The following IL1RAPL1 variants were observed in gnomAD, a reference collection of about 807,000 sequenced individuals.
IL1RAPL1 encodes interleukin 1 receptor accessory protein like 1.
In IL1RAPL1, 3 loss-of-function variants were observed where a neutral mutation model predicts 48.4. That is an observed-to-expected ratio of 0.06 (90% CI 0.03 to 0.16). The LOEUF is 0.16. Among genes scored for constraint, IL1RAPL1 ranks in the 10% least tolerant of loss-of-function variants. IL1RAPL1 has a pLI of 1.00. For synonymous variants in IL1RAPL1, 185 were observed against 187.7 expected (o/e 0.99, Z 0.12); for missense variants, 349 against 530.6 (o/e 0.66, Z 3.36).
intron 3 of IL1RAPL1, among the ~76,000 whole-genome samples, chrX:29,380,538 C>T (rs1483511454): frequency 8.9e-6 from 1 of 112,223 alleles, no homozygotes; most frequent in African/African-American, 3.2e-5. Flanking sequence ...TTGTTGAAGG[C>T]TTGTATTGGT....
chrX:29,373,867 ATTTTTTTTTTTTT>A (rs59750110), intron 3 of IL1RAPL1, among the ~76,000 whole-genome samples: 3 of 21,659 alleles, frequency 1.4e-4, no homozygotes, highest in Admixed American at 6.6e-4. Flanking sequence ...TCTCTTTTTA[ATTTTTTTTTTTTT>A]TTTTTTTTTT....
At chrX:29,470,863 C>T (rs1934913295) in intron 5 of IL1RAPL1, among the ~76,000 whole-genome samples, 1 of 111,379 alleles carries the variant, frequency 9.0e-6, no homozygotes. Context: ...GAACTCCTGG[C>T]CTCAAGCAAT....
At position 29,920,106 on chromosome X, in the gene IL1RAPL1, C is replaced by A. The variant is rs1283866046; in HGVS notation, c.1057+12C>A. Reference sequence around the variant, plus strand: ...CCTTCATAAACGAGGTGAGTGTAACCTTCTAAGCTTCGGTGGTCAACTGAA... The same window carrying A: ...CCTTCATAAACGAGGTGAGTGTAACATTCTAAGCTTCGGTGGTCAACTGAA... On this transcript the variant is annotated intron_variant, in intron 8 of 10. Transcript: ENST00000378993. 8.3e-7 allele frequency: 1 copy of A among 1,209,946 alleles called. No individual in the cohort carries two copies.
chrX:28,811,482 T>C (rs910831616), intron 2 of IL1RAPL1, among the ~76,000 whole-genome samples: 1 of 110,195 alleles, frequency 9.1e-6, no homozygotes, highest in Admixed American at 9.7e-5. Context: ...GTTGTTGAAG[T>C]TGGAATTTAG....
At chrX:29,130,526 T>G (rs1363383854) in intron 2 of IL1RAPL1, among the ~76,000 whole-genome samples, 1 of 112,537 alleles carries the variant, frequency 8.9e-6, no homozygotes, top group East Asian at 2.8e-4. Flanking sequence ...CCAAACATTC[T>G]CCAACTGAAG....
At chrX:29,206,347 CT>C (rs1260006339) in intron 2 of IL1RAPL1, among the ~76,000 whole-genome samples, 1 of 110,556 alleles carries the variant, frequency 9.0e-6, no homozygotes, top group Non-Finnish European at 1.9e-5. Context: ...ATCTTTTCTT[CT>C]GATTCATAAC....
intron 1 of IL1RAPL1, among the ~76,000 whole-genome samples, chrX:28,624,827 A>G (rs1413602583): frequency 8.9e-6 from 1 of 112,144 alleles, no homozygotes; most frequent in African/African-American, 3.2e-5. Context: ...ATGACTCTGA[A>G]CCGACAGCAG....
chrX:28,815,117 T>C (rs2147278090), intron 2 of IL1RAPL1, among the ~76,000 whole-genome samples: 1 of 110,781 alleles, frequency 9.0e-6, no homozygotes, highest in South Asian at 3.8e-4. Flanking sequence ...CCTTCATTTA[T>C]TTCCTCCCTT....
intron 3 of IL1RAPL1, among the ~76,000 whole-genome samples, chrX:29,319,364 A>ATTTTTTTTTTTTTTTTTTTTTTTTTTTT (rs762918998): frequency 1.7e-5 from 1 of 58,137 alleles, no homozygotes. Context: ...GATAAATTTA[A>ATTTTTTTTTTTTTTTTTTTTTTTTTTTT]TTTTTTTTTT....
At chrX:28,949,994 A>T (rs1377355471) in intron 2 of IL1RAPL1, among the ~76,000 whole-genome samples, 164 of 110,046 alleles carry the variant, frequency 1.5e-3, no homozygotes, top group African/African-American at 5.1e-3. Flanking sequence ...TTTTGGTGTT[A>T]TAGACATGAA....
chrX:29,183,941 T>G (rs187036451), intron 2 of IL1RAPL1, among the ~76,000 whole-genome samples: 1 of 111,738 alleles, frequency 8.9e-6, no homozygotes, highest in African/African-American at 3.3e-5. Flanking sequence ...TGATCTGCCC[T>G]TCTCGGCCTT....
intron 2 of IL1RAPL1, among the ~76,000 whole-genome samples, chrX:28,820,556 A>C (rs1936926319): frequency 8.9e-6 from 1 of 112,061 alleles, no homozygotes; most frequent in Non-Finnish European, 1.9e-5. Context: ...TAATACAAAT[A>C]GTAAATGTAC....
chrX:29,645,724 C>T (rs755621295), intron 5 of IL1RAPL1, among the ~76,000 whole-genome samples: 22 of 111,849 alleles, frequency 2.0e-4, no homozygotes, highest in African/African-American at 6.8e-4. Context: ...CAGGGCTGTG[C>T]TAGCCTCAGT....
chrX:29,170,467 G>T (rs951668991), intron 2 of IL1RAPL1, among the ~76,000 whole-genome samples: 2 of 111,650 alleles, frequency 1.8e-5, no homozygotes, highest in African/African-American at 6.5e-5. Flanking sequence ...GAGATGACTT[G>T]CAACCTGTTT....
chrX:29,114,720 T>G (rs1928642431), intron 2 of IL1RAPL1, among the ~76,000 whole-genome samples: 1 of 110,657 alleles, frequency 9.0e-6, no homozygotes, highest in Non-Finnish European at 1.9e-5. Flanking sequence ...ACCTCTGCCT[T>G]CTGATTTCAA....
At position 29,120,245 on chromosome X, in the gene IL1RAPL1, T is replaced by A. The variant is rs529792326; in HGVS notation, c.83-162693T>A. On this transcript the variant is annotated intron_variant, in intron 2 of 10. Coordinates refer to ENST00000378993, the MANE Select transcript of IL1RAPL1 (RefSeq NM_014271.4). ...GATGTCTGCAATGGTGTTTCTTAGGTTTTCTGCTAGAATTATTATAGCTTA... is the reference window on the plus strand; with the variant it reads ...GATGTCTGCAATGGTGTTTCTTAGGATTTCTGCTAGAATTATTATAGCTTA... Among the ~76,000 whole-genome samples, 79 of 112,466 alleles carry A rather than the reference T, an allele frequency of 7.0e-4. No homozygotes were observed. In the South Asian group the frequency reaches 0.019, roughly 27 times the overall value.
At chrX:28,771,902 C>T (rs1936311273) in intron 1 of IL1RAPL1, among the ~76,000 whole-genome samples, 1 of 83,160 alleles carries the variant, frequency 1.2e-5, no homozygotes, top group Admixed American at 1.8e-4. Flanking sequence ...CTGCAGTCCG[C>T]AGTCCGGCCT....
intron 1 of IL1RAPL1, among the ~76,000 whole-genome samples, chrX:28,708,359 A>G (rs1393583480): frequency 9.0e-6 from 1 of 111,301 alleles, no homozygotes. Flanking sequence ...TGGAACTCTT[A>G]TATACTGTTG....
At chrX:29,336,692 T>G (rs1933001777) in intron 3 of IL1RAPL1, among the ~76,000 whole-genome samples, 1 of 111,029 alleles carries the variant, frequency 9.0e-6, no homozygotes, top group Non-Finnish European at 1.9e-5. Context: ...TAGACAGGTG[T>G]GGAGAAATGT....
Sources: allele counts gnomAD v4.1 joint callset (sites outside exome capture counted in the v4.1 genomes callset), GRCh38; gene constraint gnomAD v4.1.1; transcripts MANE v1.5; gene names NCBI Gene and HGNC (gene_info 2026-07-23, HGNC 2026-07-21).